Variants in UBE2H observed in about 807,000 individuals in gnomAD.
The protein encoded by UBE2H is ubiquitin-conjugating enzyme E2 H.
A neutral mutation model predicts 29.0 loss-of-function variants in UBE2H; 3 were observed. The ratio of observed to expected loss-of-function variants is 0.10; its 90% CI spans 0.05 to 0.27. UBE2H has a LOEUF of 0.27. UBE2H is among the 10% of genes least tolerant of loss of function. UBE2H has a pLI of 1.00. For synonymous variants in UBE2H, 69 were observed against 82.9 expected, an observed-to-expected ratio of 0.83 and a Z score of 0.91; for missense variants, 68 against 228.2, an observed-to-expected ratio of 0.30 and a Z score of 4.52.
chr7:129,882,012 C>T (rs558996986), intron 1 of UBE2H, among the ~76,000 whole-genome samples: 3 of 152,288 alleles, frequency 2.0e-5, no homozygotes, highest in African/African-American at 7.2e-5. Context: ...CCCCAAACTC[C>T]ACCTTCTTCA....
intron 6 of UBE2H, among the ~76,000 whole-genome samples, chr7:129,837,097 A>G (rs1805345381): frequency 6.6e-6 from 1 of 152,146 alleles, no homozygotes; most frequent in African/African-American, 2.4e-5. Flanking sequence ...TACAGCGCCA[A>G]CTAAATATGA....
intron 1 of UBE2H, among the ~76,000 whole-genome samples, chr7:129,881,278 A>C (rs1294853269): frequency 6.6e-6 from 1 of 152,138 alleles, no homozygotes; most frequent in African/African-American, 2.4e-5. Context: ...TTGGGAAAAC[A>C]GCATTTCATA....
At chr7:129,890,316 T>TATAC (rs1806454078) in intron 1 of UBE2H, among the ~76,000 whole-genome samples, 1 of 150,982 alleles carries the variant, frequency 6.6e-6, no homozygotes, top group Non-Finnish European at 1.5e-5. Context: ...CGTGTATATA[T>TATAC]GTATGTATAT....
chr7:129,924,974 T>C (rs771244915), intron 1 of UBE2H, among the ~76,000 whole-genome samples: 3 of 152,168 alleles, frequency 2.0e-5, no homozygotes, highest in Admixed American at 6.6e-5. Flanking sequence ...GTTTAACTTT[T>C]TGTTTTCCTT....
intron 1 of UBE2H, among the ~76,000 whole-genome samples, chr7:129,927,958 G>A (rs1289189383): frequency 1.3e-5 from 2 of 151,336 alleles, no homozygotes; most frequent in East Asian, 3.9e-4. Flanking sequence ...CACTTTGGGA[G>A]GCGGGTCAGT....
At chr7:129,852,449 A>AG (rs1033541795) in intron 5 of UBE2H, among the ~76,000 whole-genome samples, 2 of 151,124 alleles carry the variant, frequency 1.3e-5, no homozygotes, top group Non-Finnish European at 2.9e-5. Context: ...CCTGGGCGAC[A>AG]GAGCGAGACT....
intron 1 of UBE2H, among the ~76,000 whole-genome samples, chr7:129,895,304 C>A (rs1024391450): frequency 6.6e-6 from 1 of 152,102 alleles, no homozygotes; most frequent in African/African-American, 2.4e-5. Context: ...CCTGCAAATT[C>A]TAAGGGTGGA....
rs1368904648 is a variant in UBE2H, at chr7:129,830,811, G to A, written c.*4126C>T. The A allele has an allele frequency of 2.1e-5, 3 of 144,766 alleles. No homozygotes were observed. Among genetic ancestry groups the A allele is most frequent in the Non-Finnish European group, 4.5e-5 (3 of 66,286 alleles). 9.0% of individuals were successfully genotyped at this position (144,766 alleles called of 1,614,324 possible). A position where few individuals can be genotyped will look rare whatever the true frequency, so the allele number is the denominator to read the frequency against. ...CAACTATTAAGAGGTTATAGTCAGA[G>A]GAGGCATGTGTCCTGTTGACAGACG... On this transcript the variant is annotated 3_prime_UTR_variant, in exon 7 of 7. Coordinates refer to ENST00000355621, the MANE Select transcript of UBE2H (RefSeq NM_003344.4).
chr7:129,847,621 G>A (rs775332253), intron 5 of UBE2H, among the ~76,000 whole-genome samples: 1 of 152,140 alleles, frequency 6.6e-6, no homozygotes, highest in African/African-American at 2.4e-5. Flanking sequence ...GATTACAGGC[G>A]TGAGCTACCA....
At chr7:129,900,507 T>TG (rs1260711881) in intron 1 of UBE2H, among the ~76,000 whole-genome samples, 1 of 152,204 alleles carries the variant, frequency 6.6e-6, no homozygotes, top group African/African-American at 2.4e-5. Flanking sequence ...TTTCTCACAT[T>TG]GGAGTATCAG....
intron 5 of UBE2H, 45 bp from the exon 6 acceptor site, chr7:129,839,380 A>C (rs529305227): frequency 2.5e-6 from 4 of 1,608,154 alleles, no homozygotes; most frequent in South Asian, 2.2e-5. Flanking sequence ...ATGCAAGTTC[A>C]CCTAAAATTC....
At chr7:129,909,647 G>A (rs1806889812) in intron 1 of UBE2H, among the ~76,000 whole-genome samples, 1 of 152,074 alleles carries the variant, frequency 6.6e-6, no homozygotes, top group Admixed American at 6.6e-5. Flanking sequence ...CTTGACCCTA[G>A]GAGTTCAAGA....
chr7:129,880,679 T>C (rs978770747), intron 2 of UBE2H, among the ~76,000 whole-genome samples: 42 of 147,678 alleles, frequency 2.8e-4, no homozygotes, highest in African/African-American at 9.5e-4. Context: ...CTGTGGATTT[T>C]GGTATGAGGT....
intron 3 of UBE2H, among the ~76,000 whole-genome samples, chr7:129,859,487 A>G (rs756711844): frequency 6.6e-6 from 1 of 152,220 alleles, no homozygotes; most frequent in African/African-American, 2.4e-5. Context: ...TTCCTTTAAC[A>G]TTAGTCTACT....
chr7:129,839,409 A>G (rs1251037038), intron 5 of UBE2H, 74 bp from the exon 6 acceptor site: 2 of 1,596,258 alleles, frequency 1.3e-6, no homozygotes, highest in Non-Finnish European at 8.5e-7. Flanking sequence ...TCAGTAGTCA[A>G]GCTGCTTACC....
chr7:129,884,245 G>A (rs186651163), intron 1 of UBE2H, among the ~76,000 whole-genome samples: 174 of 151,890 alleles, frequency 1.1e-3, no homozygotes, highest in African/African-American at 3.8e-3. Flanking sequence ...GTGAAACCCC[G>A]TCTCTACTAA....
chr7:129,943,869 A>G (rs1807697920), intron 1 of UBE2H, among the ~76,000 whole-genome samples: 1 of 152,158 alleles, frequency 6.6e-6, no homozygotes, highest in Non-Finnish European at 1.5e-5. Context: ...CGACAGAGCG[A>G]GACTGATTCT....
intron 1 of UBE2H, among the ~76,000 whole-genome samples, chr7:129,942,996 C>T (rs1321968197): frequency 6.6e-6 from 1 of 152,082 alleles, no homozygotes; most frequent in Non-Finnish European, 1.5e-5. Context: ...GTGTGCACCA[C>T]CACACCCAGC....
At chr7:129,886,287 T>C (rs576828677) in intron 1 of UBE2H, among the ~76,000 whole-genome samples, 144 of 152,342 alleles carry the variant, frequency 9.5e-4, no homozygotes, top group African/African-American at 3.3e-3. Context: ...TCCATTTCAC[T>C]TTTTAAAGTG....
Sources: gnomAD v4.1 joint callset for allele counts (sites outside exome capture counted in the v4.1 genomes callset) on GRCh38, gnomAD v4.1.1 for gene constraint, MANE v1.5 for transcripts, NCBI Gene and HGNC (gene_info 2026-07-23, HGNC 2026-07-21) for gene names.